The following MX2 variants were observed in gnomAD, a reference collection of about 807,000 sequenced individuals.
MX2 encodes interferon-induced GTP-binding protein Mx2.
In MX2, 51 loss-of-function variants were observed where a neutral mutation model predicts 74.0. The ratio of observed to expected loss-of-function variants is 0.69; its 90% CI spans 0.55 to 0.87. MX2 has a LOEUF of 0.87. MX2 is among the 40% of genes least tolerant of loss of function. The pLI, the probability that MX2 is intolerant of heterozygous loss-of-function variation, is 0.00. For synonymous variants in MX2, 369 were observed against 339.3 expected (o/e 1.09, Z -0.96); for missense variants, 832 against 908.7 (o/e 0.92, Z 1.09).
At chr21:41,379,324 G>A (rs1427999424) in intron 3 of MX2, among the ~76,000 whole-genome samples, 1 of 152,194 alleles carries the variant, frequency 6.6e-6, no homozygotes, top group Non-Finnish European at 1.5e-5. Context: ...GACAAAGGTC[G>A]CGGGTTCTCA....
intron 5 of MX2, 28 bp downstream of exon 5, chr21:41,382,592 G>T: frequency 2.5e-6 from 4 of 1,613,662 alleles, no homozygotes; most frequent in Non-Finnish European, 2.5e-6. Context: ...TTGGGATTGG[G>T]CTCTGCTGAA....
At chr21:41,367,966 T>G (rs2145853169) in intron 1 of MX2, among the ~76,000 whole-genome samples, 1 of 152,280 alleles carries the variant, frequency 6.6e-6, no homozygotes, top group South Asian at 2.1e-4. Context: ...GTCTTCTCTT[T>G]TCTCCTCTTC....
At chr21:41,397,366 C>T (rs1050416617) in intron 7 of MX2, among the ~76,000 whole-genome samples, 1 of 152,214 alleles carries the variant, frequency 6.6e-6, no homozygotes, top group African/African-American at 2.4e-5. Flanking sequence ...GTTTGTTTTC[C>T]TGTAGCTAAG....
At chr21:41,393,128 A>AAAGAAAAAAAAAAAAAAAAAG (rs2089685109) in intron 6 of MX2, among the ~76,000 whole-genome samples, 1 of 139,936 alleles carries the variant, frequency 7.1e-6, no homozygotes, top group African/African-American at 3.0e-5. Context: ...AAAAAAAAAA[A>AAAGAAAAAAAAAAAAAAAAAG]AAAGAAAGAA....
At chr21:41,391,031 C>G (rs1601418425) in intron 6 of MX2, among the ~76,000 whole-genome samples, 1 of 151,432 alleles carries the variant, frequency 6.6e-6, no homozygotes, top group Non-Finnish European at 1.5e-5. Context: ...AACCAAGCTT[C>G]CAGGGCATCC....
intron 6 of MX2, among the ~76,000 whole-genome samples, chr21:41,393,161 TTGAA>T (rs2089686436): frequency 8.4e-6 from 1 of 118,914 alleles, no homozygotes; most frequent in Non-Finnish European, 1.9e-5. Flanking sequence ...AAAAAGAAAA[TTGAA>T]TGACTACACA....
At chr21:41,394,553 T>C (rs1008899632) in intron 6 of MX2, among the ~76,000 whole-genome samples, 6 of 152,214 alleles carry the variant, frequency 3.9e-5, no homozygotes, top group African/African-American at 1.4e-4. Context: ...TCTTTATTTC[T>C]CGTATATTAC....
chr21:41,401,809 T>C, intron 10 of MX2, 161 bp from the exon 11 acceptor site: 1 of 678,176 alleles, frequency 1.5e-6, no homozygotes, highest in South Asian at 2.4e-5. Context: ...CTTAAACTCC[T>C]GTTATTAGAC....
chr21:41,384,607 C>T (rs1021415354), intron 5 of MX2, among the ~76,000 whole-genome samples: 4 of 152,174 alleles, frequency 2.6e-5, no homozygotes, highest in Non-Finnish European at 5.9e-5. Flanking sequence ...AGTTATGATG[C>T]ACGTTGTACA....
In MX2 at chr21:41,362,468, T is replaced by G. The variant is rs532458276; in HGVS notation, c.-72+413T>G. On this transcript the variant is annotated intron_variant, in intron 1 of 13. Coordinates refer to ENST00000330714, the MANE Select transcript of MX2 (RefSeq NM_002463.2). ...GTTCCTTCTTTTGTGGTATTTGTGA[T>G]GCTCTGACGTAACCTTAGTGACGGT... Among the ~76,000 whole-genome samples the G allele has an allele frequency of 7.2e-5, 11 of 152,234 alleles. No individual in the cohort carries two copies. In the South Asian group the frequency reaches 2.3e-3, roughly 32 times the overall value.
In MX2 at chr21:41,389,313, A is replaced by G. The variant is rs141936835; in HGVS notation, c.733-1252A>G. On this transcript the variant is annotated intron_variant, in intron 5 of 13. Coordinates refer to ENST00000330714, the MANE Select transcript of MX2 (RefSeq NM_002463.2). ...GCAGATTACTTGCGGCCAGGAGTTC[A>G]AGACCAACCTGGGCAAGGTAGCAAG... Among the ~76,000 whole-genome samples the G allele has an allele frequency of 1.0e-3, 152 of 152,234 alleles. 7 individuals are homozygous for G. In the East Asian group the frequency reaches 0.02, roughly 20 times the overall value.
intron 11 of MX2, 51 bp from the exon 12 acceptor site, chr21:41,403,216 G>T: frequency 1.4e-6 from 2 of 1,416,078 alleles, no homozygotes; most frequent in Non-Finnish European, 2.0e-6. Flanking sequence ...ATTTCTGCTT[G>T]CATTTTACTG....
chr21:41,374,690 G>A (rs1406713895), intron 1 of MX2, among the ~76,000 whole-genome samples: 1 of 152,142 alleles, frequency 6.6e-6, no homozygotes, highest in Non-Finnish European at 1.5e-5. Flanking sequence ...GCAGGTAGCA[G>A]ATGTGGCAGG....
rs1403271124 is a variant in MX2, at chr21:41,398,929, G to A, written c.1182G>A (p.Arg394=). 7.4e-6 allele frequency: 12 copies of A among 1,613,754 alleles called. No individual in the cohort carries two copies. Among genetic ancestry groups the A allele is most frequent in the Non-Finnish European group, 1.0e-5 (12 of 1,179,800 alleles). Residue 394 remains arginine (R), a synonymous_variant, in exon 9 of 14, where the codon AGG becomes AGA. Transcript: ENST00000330714. ...KSLPLLEGQI[R]ESHQKATEEL... ...TCCCGTTGTTAGAAGGACAAATAAG[G>A]GAGAGCCACCAGAAGGCGACCGAGG...
Position 41,388,625 on chromosome 21 carries a change from C to G in MX2, c.733-1940C>G, listed in dbSNP as rs115955915. 2.4e-3 allele frequency among the ~76,000 whole-genome samples: 360 copies of G among 152,326 alleles called. 2 individuals carry two copies. Among genetic ancestry groups the G allele is most frequent in the African/African-American group, 7.3e-3 (305 of 41,576 alleles). On this transcript the variant is annotated intron_variant, in intron 5 of 13. Transcript: ENST00000330714. This position sits in a 1 kb window ranked among gnomAD's most constrained non-coding sequence, Gnocchi z 4.0. ...GTATGCTCAATGCCGAGTCTCTGAA[C>G]CCCAGGATGGGCCCCACACCTGGTG... is the stretch of plus-strand genomic sequence containing the variant.
At position 41,376,994 on chromosome 21, in the gene MX2, C is replaced by T. The variant is rs748050340; in HGVS notation, c.88C>T (p.Gln30Ter). Reference protein sequence around the residue: ...KYLKKEMNSFQQQPPPFGTVP... With the variant: ...KYLKKEMNSF ...CCTGAAAAAAGAAATGAATTCCTTC[C>T]AGCAACAGCCACCGCCATTCGGCAC... Residue 30 changes from glutamine (Q) to a stop codon, truncating the protein, a stop_gained, in exon 2 of 14, where the codon CAG becomes TAG. Coordinates refer to ENST00000330714, the MANE Select transcript of MX2 (RefSeq NM_002463.2). LOFTEE classifies it high-confidence loss of function. 10 of 1,614,046 alleles carry T rather than the reference C, an allele frequency of 6.2e-6. No homozygotes were observed. The African/African-American group carries it at 1.2e-4, about 19-fold the overall frequency.
intron 6 of MX2, among the ~76,000 whole-genome samples, chr21:41,395,228 A>G (rs2089718854): frequency 6.8e-6 from 1 of 147,536 alleles, no homozygotes; most frequent in Non-Finnish European, 1.5e-5. Context: ...TTCAGGAGAC[A>G]CTAGAGAGGG....
chr21:41,397,514 GC>G (rs1056738672), intron 7 of MX2, 98 bp from the exon 8 acceptor site: 8 of 1,036,910 alleles, frequency 7.7e-6, no homozygotes, highest in African/African-American at 6.3e-5. Context: ...GGCACGTGTT[GC>G]CCCGGGGAGC....
In MX2 at chr21:41,363,240, T is replaced by C. The variant is rs2089232050; in HGVS notation, c.-72+1185T>C. 1 of 145,746 alleles carries C rather than the reference T, an allele frequency of 6.9e-6. No individual in the cohort carries two copies. The highest frequency in any genetic ancestry group is 1.5e-5 in the Non-Finnish European group (1 of 67,880). The allele number at this position is 145,746 out of a possible 1,614,324, so 9.0% of individuals were successfully genotyped here. A position where few individuals can be genotyped will look rare whatever the true frequency, so the allele number is the denominator to read the frequency against. On this transcript the variant is annotated intron_variant, in intron 1 of 13. Transcript: ENST00000330714. This position sits in a 1 kb window ranked among gnomAD's most constrained non-coding sequence, Gnocchi z 4.2. ...CTTTTGACTCCCTTCGGATGTACAA[T>C]TTTTTTTTCTTTTTCTTTTTTGAGA...
Sources: allele counts gnomAD v4.1 joint callset (sites outside exome capture counted in the v4.1 genomes callset), GRCh38; gene constraint gnomAD v4.1.1; non-coding constraint Gnocchi (gnomAD v3.1); transcripts MANE v1.5; gene names NCBI Gene and HGNC (gene_info 2026-07-23, HGNC 2026-07-21).